The following TCF20 variants were observed in gnomAD, a reference collection of about 807,000 sequenced individuals.
TCF20 encodes SPRE-binding protein.
In TCF20, 3 loss-of-function variants were observed where a neutral mutation model predicts 148.6. That is an observed-to-expected ratio of 0.02 (90% confidence interval 0.01 to 0.05). The LOEUF is 0.05. Among genes scored for constraint, TCF20 ranks in the 10% least tolerant of loss-of-function variants. TCF20 has a pLI of 1.00. For synonymous variants in TCF20, 1,049 were observed against 909.5 expected, an observed-to-expected ratio of 1.15 and a Z score of -2.76; for missense variants, 2,350 against 2,429.3, an observed-to-expected ratio of 0.97 and a Z score of 0.69.
At chr22:42,179,530 A>AC in intron 3 of TCF20, 79 bp downstream of exon 3, 11 of 1,020,362 alleles carry the variant, frequency 1.1e-5, no homozygotes, top group Non-Finnish European at 1.5e-5. Flanking sequence ...AAGAAAAAAA[A>AC]CAACGACAAC....
At chr22:42,165,531 C>A (rs1405184648) in intron 5 of TCF20, among the ~76,000 whole-genome samples, 1 of 152,284 alleles carries the variant, frequency 6.6e-6, no homozygotes, top group Admixed American at 6.5e-5. Flanking sequence ...AGACAGTGGG[C>A]AACCACGGGC....
Position 42,214,998 on chromosome 22 carries a change from G to A in TCF20, c.308C>T (p.Thr103Ile), listed in dbSNP as rs758605446. Residue 103 changes from threonine (T) to isoleucine (I), a missense_variant, in exon 2 of 6, where the codon ACC becomes ATC. Transcript: ENST00000677622. ...AGNKDPVTTG[T>I]PQPPQRRPSG... Reference sequence around the variant, plus strand: ...AGGCCTTCGCTGAGGAGGCTGTGGGGTTCCTGTAGTCACGGGGTCTTTGTT... The same window carrying A: ...AGGCCTTCGCTGAGGAGGCTGTGGGATTCCTGTAGTCACGGGGTCTTTGTT... 2.5e-6 allele frequency: 4 copies of A among 1,614,224 alleles called. No individual in the cohort carries two copies. Among genetic ancestry groups the A allele is most frequent in the African/African-American group, 1.3e-5 (1 of 75,050 alleles).
intron 1 of TCF20, among the ~76,000 whole-genome samples, chr22:42,221,585 T>C (rs111439520): frequency 4.6e-5 from 7 of 152,082 alleles, no homozygotes; most frequent in African/African-American, 7.2e-5. Context: ...CACTTAGAAA[T>C]GTCAGACAAA....
chr22:42,168,502 A>G, intron 5 of TCF20, 107 bp downstream of exon 5: 1 of 1,440,190 alleles, frequency 6.9e-7, no homozygotes, highest in African/African-American at 1.4e-5. Flanking sequence ...GTTGTCATCC[A>G]CAGGATGAAA....
chr22:42,255,495 A>AG (rs1925686810), intron 1 of TCF20, among the ~76,000 whole-genome samples: 1 of 120,466 alleles, frequency 8.3e-6, no homozygotes, highest in Admixed American at 8.1e-5. Flanking sequence ...CTCAAACAAC[A>AG]ACAACAACAA....
chr22:42,332,029 A>T (rs2030689097), intron 1 of TCF20, among the ~76,000 whole-genome samples: 1 of 152,366 alleles, frequency 6.6e-6, no homozygotes, highest in South Asian at 2.1e-4. Flanking sequence ...ACAGGAAGGA[A>T]GAGTGAGTGA....
chr22:42,295,407 C>T (rs1266690314), intron 1 of TCF20, among the ~76,000 whole-genome samples: 1 of 152,056 alleles, frequency 6.6e-6, no homozygotes, highest in Admixed American at 6.6e-5. Flanking sequence ...TGGCTGTCCC[C>T]CTCCCTGAGA....
chr22:42,243,310 A>AAAAAAAAAAAAAAAAAAAAACAAAAC (rs1569180401), intron 1 of TCF20, among the ~76,000 whole-genome samples: 1 of 140,954 alleles, frequency 7.1e-6, no homozygotes, highest in African/African-American at 3.0e-5. Context: ...AAAAAAAAAA[A>AAAAAAAAAAAAAAAAAAAAACAAAAC]AAAAAAAAAA....
chr22:42,297,325 C>T lies in TCF20; in HGVS notation c.-37+46154G>A, dbSNP rs2147031163. The stretch of plus-strand genomic sequence containing the variant: ...CAGGCCTGAGCAGAGGTCAGACTCC[C>T]TAGCTGGCTTAAGGGTTGGTCATAT... On this transcript the variant is annotated intron_variant, in intron 1 of 1. Transcript: ENST00000515426. The surrounding 1 kb of genome is among the most constrained non-coding windows in gnomAD (Gnocchi z 4.3). 6.6e-6 allele frequency among the ~76,000 whole-genome samples: 1 copy of T among 152,334 alleles called. No homozygotes were observed. Among genetic ancestry groups the T allele is most frequent in the African/African-American group, 2.4e-5 (1 of 41,584 alleles).
At chr22:42,340,889 C>A (rs542439383) in intron 1 of TCF20, among the ~76,000 whole-genome samples, 42 of 137,456 alleles carry the variant, frequency 3.1e-4, no homozygotes, top group East Asian at 7.9e-4. Context: ...GGAAGCCCCC[C>A]CCCCCACCCC....
At position 42,338,448 on chromosome 22, in the gene TCF20, G is replaced by T. The variant is rs1470621178; in HGVS notation, c.-37+5031C>A. 1.3e-5 allele frequency among the ~76,000 whole-genome samples: 2 copies of T among 152,142 alleles called. No homozygotes were observed. Among genetic ancestry groups the T allele is most frequent in the African/African-American group, 4.8e-5 (2 of 41,430 alleles). ...GGGGTGCCCAGGGGGCCTCAGCAGA[G>T]CCCCGTCCCTCCCGGCAGCCCGGCC... On this transcript the variant is annotated intron_variant, in intron 1 of 1. Coordinates refer to the TCF20 transcript ENST00000515426. This position sits in a 1 kb window ranked among gnomAD's most constrained non-coding sequence, Gnocchi z 4.0.
intron 1 of TCF20, among the ~76,000 whole-genome samples, chr22:42,280,206 C>T (rs997112468): frequency 6.6e-6 from 1 of 152,248 alleles, no homozygotes; most frequent in South Asian, 2.1e-4. Context: ...ATCACAGCCC[C>T]TTAGAGCAGT....
chr22:42,211,204 C>A lies in TCF20; in HGVS notation c.4102G>T (p.Ala1368Ser), dbSNP rs143492270. 8 of 1,614,044 alleles carry A rather than the reference C, an allele frequency of 5.0e-6. No individual in the cohort carries two copies. The highest frequency in any genetic ancestry group is 6.8e-6 in the Non-Finnish European group (8 of 1,180,048). The change falls in exon 2 of 6, where the codon GCA (alanine) becomes TCA (serine). Residue 1368 changes from alanine (A) to serine (S), a missense_variant. Transcript: ENST00000677622. ...KITSPNIRRS[A>S]SSNSAEAGGD... Reference sequence around the variant, plus strand: ...CCAGCCTCCGCACTGTTCGAAGATGCGCTCCTCCTAATATTTGGGGATGTA... The same window carrying A: ...CCAGCCTCCGCACTGTTCGAAGATGAGCTCCTCCTAATATTTGGGGATGTA...
chr22:42,269,388 C>T (rs79640657), intron 1 of TCF20, among the ~76,000 whole-genome samples: 2,135 of 152,266 alleles, frequency 0.014, 19 homozygotes, highest in Non-Finnish European at 0.022. Context: ...ACCAGCAGAC[C>T]GTATTGGTAT....
At chr22:42,226,496 G>T (rs1398621170) in intron 1 of TCF20, among the ~76,000 whole-genome samples, 1 of 152,142 alleles carries the variant, frequency 6.6e-6, no homozygotes, top group African/African-American at 2.4e-5. Context: ...CCTGAGGTCA[G>T]AAGTTCAAGA....
intron 1 of TCF20, among the ~76,000 whole-genome samples, chr22:42,244,796 C>A (rs1924768392): frequency 6.6e-6 from 1 of 152,064 alleles, no homozygotes. Flanking sequence ...TTAAAAAAAT[C>A]TGGCTGGGCG....
chr22:42,251,573 G>T (rs992655354), intron 1 of TCF20, among the ~76,000 whole-genome samples: 5 of 123,888 alleles, frequency 4.0e-5, no homozygotes, highest in Non-Finnish European at 7.9e-5. Flanking sequence ...CATGATCTCA[G>T]CTCACTGCAA....
intron 2 of TCF20, among the ~76,000 whole-genome samples, chr22:42,203,595 A>C (rs1938187206): frequency 1.3e-5 from 2 of 152,252 alleles, no homozygotes; most frequent in African/African-American, 4.8e-5. Flanking sequence ...GTGATATAAA[A>C]AGATATACCA....
chr22:42,227,905 T>A (rs553120055), intron 1 of TCF20, among the ~76,000 whole-genome samples: 18 of 152,316 alleles, frequency 1.2e-4, no homozygotes, highest in Middle Eastern at 3.4e-3. Context: ...GTCAAGCTTA[T>A]TAGAGATGTA....
Sources: allele counts gnomAD v4.1 joint callset (sites outside exome capture counted in the v4.1 genomes callset), GRCh38; gene constraint gnomAD v4.1.1; non-coding constraint Gnocchi (gnomAD v3.1); transcripts MANE v1.5; gene names NCBI Gene and HGNC (gene_info 2026-07-23, HGNC 2026-07-21).